UBE4B: variants seen among roughly 807,000 people sequenced by gnomAD.
UBE4B encodes the protein ubiquitin conjugation factor E4 B.
Under a neutral mutation model 148.1 loss-of-function variants are expected in UBE4B, and 27 were observed. The ratio of observed to expected loss-of-function variants is 0.18; its 90% CI spans 0.13 to 0.25. The LOEUF is 0.25. Ranked by LOEUF, UBE4B falls within the 10% of genes least tolerant of loss-of-function variation. UBE4B has a pLI of 1.00. For synonymous variants in UBE4B, 596 were observed against 619.3 expected, an observed-to-expected ratio of 0.96 and a Z score of 0.56; for missense variants, 1,170 against 1,662.4, an observed-to-expected ratio of 0.70 and a Z score of 5.15.
intron 1 of UBE4B, among the ~76,000 whole-genome samples, chr1:10,036,668 T>A (rs1643548903): frequency 6.6e-6 from 1 of 152,010 alleles, no homozygotes; most frequent in Admixed American, 6.6e-5. Context: ...CAATTAAAAA[T>A]TTTTGAGGTT....
chr1:10,055,729 G>A (rs1644154249), intron 1 of UBE4B, among the ~76,000 whole-genome samples: 1 of 152,128 alleles, frequency 6.6e-6, no homozygotes. Context: ...AGACCAGCCT[G>A]GTCAACATGG....
intron 25 of UBE4B, among the ~76,000 whole-genome samples, chr1:10,176,740 T>C (rs1057029027): frequency 6.6e-6 from 1 of 151,906 alleles, no homozygotes; most frequent in African/African-American, 2.4e-5. Context: ...ATTGGGTTGT[T>C]TGTGTTTTTG....
chr1:10,103,992 C>T (rs1230785239), intron 5 of UBE4B, among the ~76,000 whole-genome samples: 2 of 149,606 alleles, frequency 1.3e-5, no homozygotes, highest in African/African-American at 4.9e-5. Flanking sequence ...GATCTCTTGA[C>T]CTCGTGATCT....
intron 1 of UBE4B, among the ~76,000 whole-genome samples, chr1:10,043,977 A>G (rs1023176442): frequency 3.3e-5 from 5 of 152,204 alleles, no homozygotes; most frequent in Middle Eastern, 3.4e-3. Context: ...TGGGGTGTCC[A>G]TTTGCTGTTT....
In UBE4B at chr1:10,151,381, G is replaced by A. The variant is rs1191534489; in HGVS notation, c.2746G>A (p.Val916Ile). 6.2e-7 allele frequency: 1 copy of A among 1,614,122 alleles called. No individual in the cohort carries two copies. The highest frequency in any genetic ancestry group is 2.2e-5 in the East Asian group (1 of 44,874). Residue 916 changes from valine to isoleucine, a missense_variant, in exon 21 of 28, where the codon GTT becomes ATT. Around this residue, in one of 6 missense-constraint regions of UBE4B, gnomAD observed 348 missense variants for 627.2 expected, o/e 0.55. Coordinates refer to ENST00000343090, the MANE Select transcript of UBE4B (RefSeq NM_001105562.3). ...TACTCAGGATATTGTGATGTTCCTT[G>A]TTGTGATGTTGTGCAACCAGAACTA... is the stretch of plus-strand genomic sequence containing the variant. ...PCTQDIVMFL[V>I]VMLCNQNYIR...
intron 7 of UBE4B, among the ~76,000 whole-genome samples, chr1:10,108,318 CTT>C (rs1645156758): frequency 6.6e-6 from 1 of 151,988 alleles, no homozygotes; most frequent in Non-Finnish European, 1.5e-5. Flanking sequence ...TTAAATTTCT[CTT>C]AGCACCTCCT....
intron 7 of UBE4B, among the ~76,000 whole-genome samples, chr1:10,108,636 A>G (rs1275717749): frequency 6.6e-6 from 1 of 152,204 alleles, no homozygotes; most frequent in Non-Finnish European, 1.5e-5. Flanking sequence ...AGTTAGGTAC[A>G]CTTCATTCAA....
At chr1:10,098,622 ATAGAT>A (rs1644964078) in intron 3 of UBE4B, among the ~76,000 whole-genome samples, 1 of 152,200 alleles carries the variant, frequency 6.6e-6, no homozygotes, top group South Asian at 2.1e-4. Flanking sequence ...TGCAGATGGC[ATAGAT>A]TAAAGATGGA....
intron 7 of UBE4B, among the ~76,000 whole-genome samples, chr1:10,116,808 T>C (rs1645317980): frequency 6.6e-6 from 1 of 152,226 alleles, no homozygotes; most frequent in Admixed American, 6.5e-5. Flanking sequence ...TAGCTTCAGG[T>C]AACAAGTAAG....
chr1:10,117,134 G>C, intron 7 of UBE4B, among the ~76,000 whole-genome samples: 1 of 152,162 alleles, frequency 6.6e-6, no homozygotes, highest in South Asian at 2.1e-4. Flanking sequence ...AGCCCTCTGA[G>C]TGATGCCATT....
chr1:10,094,435 CTTT>C (rs770919627), intron 2 of UBE4B, among the ~76,000 whole-genome samples: 2 of 138,774 alleles, frequency 1.4e-5, no homozygotes, highest in Non-Finnish European at 3.2e-5. Context: ...CTATCATTAA[CTTT>C]TTTTTTTTTT....
intron 1 of UBE4B, among the ~76,000 whole-genome samples, chr1:10,051,140 G>A (rs191582638): frequency 6.6e-6 from 1 of 152,268 alleles, no homozygotes; most frequent in Admixed American, 6.5e-5. Context: ...CTGAATAGCT[G>A]GGACTACAGG....
intron 18 of UBE4B, among the ~76,000 whole-genome samples, chr1:10,146,306 A>G (rs1645871529): frequency 6.6e-6 from 1 of 152,010 alleles, no homozygotes. Context: ...ACAAAAATTA[A>G]CTGGGTGTGG....
At chr1:10,102,123 A>C (rs987587439) in intron 4 of UBE4B, among the ~76,000 whole-genome samples, 3 of 152,122 alleles carry the variant, frequency 2.0e-5, no homozygotes, top group Non-Finnish European at 4.4e-5. Context: ...CAAAGGAAAA[A>C]ATAAGAAGTT....
chr1:10,061,922 T>C (rs1644294951), intron 1 of UBE4B, among the ~76,000 whole-genome samples: 1 of 151,360 alleles, frequency 6.6e-6, no homozygotes, highest in African/African-American at 2.4e-5. Flanking sequence ...CTTTTTTTTT[T>C]TTTTTTGAGA....
In UBE4B at chr1:10,084,756, G is replaced by T. The variant is rs1157154133; in HGVS notation, c.212-10705G>T. 2.7e-5 allele frequency among the ~76,000 whole-genome samples: 4 copies of T among 149,634 alleles called. No individual in the cohort carries two copies. The East Asian group carries it at 7.8e-4, about 29-fold the overall frequency. Reference sequence around the variant, plus strand: ...TCAGTCCCCCAGGCTGGAGTGCAGTGGTGCGATCTTGGCTCACTGTAGCCT... The same window carrying T: ...TCAGTCCCCCAGGCTGGAGTGCAGTTGTGCGATCTTGGCTCACTGTAGCCT... On this transcript the variant is annotated intron_variant, in intron 2 of 27. Coordinates refer to ENST00000343090, the MANE Select transcript of UBE4B (RefSeq NM_001105562.3).
chr1:10,137,294 AT>A, intron 17 of UBE4B, 89 bp downstream of exon 17: 2 of 1,536,670 alleles, frequency 1.3e-6, no homozygotes, highest in Admixed American at 3.4e-5. Context: ...GTAGTTTTGA[AT>A]GTTGGGGGAG....
At chr1:10,146,617 CTGAT>C (rs1023414804) in intron 18 of UBE4B, among the ~76,000 whole-genome samples, 18 of 152,170 alleles carry the variant, frequency 1.2e-4, no homozygotes, top group African/African-American at 4.3e-4. Context: ...AATTCAGACA[CTGAT>C]TGTTTGGCTT....
intron 15 of UBE4B, 86 bp from the exon 16 acceptor site, chr1:10,134,902 T>C: frequency 8.3e-7 from 1 of 1,201,346 alleles, no homozygotes; most frequent in Non-Finnish European, 1.2e-6. Context: ...ACCCCTTCGC[T>C]CCAGCCTGGG....
Sources: gnomAD v4.1 joint callset for allele counts (sites outside exome capture counted in the v4.1 genomes callset) on GRCh38, gnomAD v4.1.1 for gene constraint, gnomAD v4.1.1 regional missense constraint, MANE v1.5 for transcripts, NCBI Gene and HGNC (gene_info 2026-07-23, HGNC 2026-07-21) for gene names.